The following TAB2 variants were observed in gnomAD, a reference collection of about 807,000 sequenced individuals.
TAB2 encodes TGF-beta-activated kinase 1 and MAP3K7-binding protein 2.
Under a neutral mutation model 65.0 loss-of-function variants are expected in TAB2, and 3 were observed. The ratio of observed to expected loss-of-function variants is 0.05; its 90% confidence interval spans 0.02 to 0.12. The LOEUF is 0.12. Ranked by LOEUF, TAB2 falls within the 10% of genes least tolerant of loss-of-function variation. The pLI is 1.00. For missense variants in TAB2, 623 were observed against 840.3 expected (o/e 0.74, Z 3.20); for synonymous variants, 298 against 285.1 (o/e 1.05, Z -0.46).
intron 1 of TAB2, among the ~76,000 whole-genome samples, chr6:149,312,458 G>C (rs9498318): frequency 0.064 from 9,696 of 152,188 alleles, 1,022 homozygotes; most frequent in African/African-American, 0.22. Context: ...AGCCTCCCGG[G>C]TTCAAGCCAT....
At chr6:149,399,278 C>T in intron 6 of TAB2, 94 bp downstream of exon 6, 1 of 899,582 alleles carries the variant, frequency 1.1e-6, no homozygotes, top group Non-Finnish European at 1.8e-6. Flanking sequence ...TCTAGAATTG[C>T]TTCAAACTTT....
Position 149,378,953 on chromosome 6 carries a change from T to G in TAB2, c.1038T>G (p.Pro346=). 6.2e-7 allele frequency: 1 copy of G among 1,614,168 alleles called. No individual in the cohort carries two copies. ...NNSSKLRSSG[P]RTSSTSSSVN... is the part of the protein sequence containing the mutation. ...CTTCAAAACTGCGTTCTTCTGGACC[T>G]CGAACCTCCAGCACTTCCTCTTCAG... The change falls in exon 3 of 7, where the codon CCT becomes CCG. Residue 346 remains proline (P), a synonymous_variant. Coordinates refer to ENST00000637181, the MANE Select transcript of TAB2 (RefSeq NM_001292034.3).
chr6:149,402,212 G>A (rs1782452018), intron 6 of TAB2, among the ~76,000 whole-genome samples: 1 of 151,512 alleles, frequency 6.6e-6, no homozygotes, highest in Admixed American at 6.6e-5. Flanking sequence ...GAGAAAAAAA[G>A]GAGACAAAAT....
At position 149,410,142 on chromosome 6, in the gene TAB2, C is replaced by T; in HGVS notation, c.*423C>T. On this transcript the variant is annotated 3_prime_UTR_variant, in exon 7 of 7. Transcript: ENST00000637181. ...ACACTACATACACGAAGAAAAGGAA[C>T]AAGGTTTAACTATTTAAGAACCATT... The T allele has an allele frequency of 4.7e-6, 1 of 214,116 alleles. No homozygotes were observed. Among genetic ancestry groups the T allele is most frequent in the Admixed American group, 5.3e-5 (1 of 18,842 alleles). 13.3% of individuals were successfully genotyped at this position (214,116 alleles called of 1,614,324 possible).
At chr6:149,382,013 T>C (rs1781627212) in intron 3 of TAB2, among the ~76,000 whole-genome samples, 1 of 152,148 alleles carries the variant, frequency 6.6e-6, no homozygotes, top group East Asian at 1.9e-4. Context: ...GAGATACTGT[T>C]AAAAATATGC....
At chr6:149,287,976 TA>T (rs1188577294) in intron 1 of TAB2, among the ~76,000 whole-genome samples, 2 of 152,236 alleles carry the variant, frequency 1.3e-5, no homozygotes, top group Non-Finnish European at 2.9e-5. Context: ...AATTCGATCA[TA>T]AAATTATGTT....
At chr6:149,307,668 A>T (rs1441646525) in intron 1 of TAB2, among the ~76,000 whole-genome samples, 1 of 151,918 alleles carries the variant, frequency 6.6e-6, no homozygotes. Context: ...TGAAAACCTG[A>T]GTCCGAATAA....
At chr6:149,381,373 CA>C (rs2114895492) in intron 3 of TAB2, among the ~76,000 whole-genome samples, 2 of 152,216 alleles carry the variant, frequency 1.3e-5, no homozygotes, top group South Asian at 4.1e-4. Context: ...GTCCTTCCAT[CA>C]AAACATCAGG....
intron 6 of TAB2, chr6:149,400,837 T>C: frequency 1.3e-6 from 1 of 778,972 alleles, no homozygotes; most frequent in South Asian, 1.9e-5. Context: ...TCTTTTATTA[T>C]ACATGAAGTA....
At chr6:149,229,678 G>T (rs1370010673) in intron 1 of TAB2, among the ~76,000 whole-genome samples, 1 of 152,052 alleles carries the variant, frequency 6.6e-6, no homozygotes, top group African/African-American at 2.4e-5. Flanking sequence ...GGGACCTGGT[G>T]GGCACTGTGG....
At chr6:149,305,647 T>C in intron 1 of TAB2, among the ~76,000 whole-genome samples, 1 of 152,076 alleles carries the variant, frequency 6.6e-6, no homozygotes, top group East Asian at 1.9e-4. Context: ...ATGCTGATTT[T>C]GAGAGTAACA....
At chr6:149,336,784 T>G (rs1779947043) in intron 1 of TAB2, among the ~76,000 whole-genome samples, 1 of 152,096 alleles carries the variant, frequency 6.6e-6, no homozygotes, top group Non-Finnish European at 1.5e-5. Context: ...TTGAACATGT[T>G]CAGACAGGCC....
intron 1 of TAB2, among the ~76,000 whole-genome samples, chr6:149,309,633 G>A (rs1021359971): frequency 5.3e-5 from 8 of 151,774 alleles, no homozygotes; most frequent in African/African-American, 7.3e-5. Context: ...TCCTGACCTC[G>A]TGATCCACCC....
In TAB2 at chr6:149,375,805, G is replaced by A. The variant is rs563896450; in HGVS notation, c.103-2213G>A. On this transcript the variant is annotated intron_variant, in intron 2 of 6. Coordinates refer to ENST00000637181, the MANE Select transcript of TAB2 (RefSeq NM_001292034.3). ...TTTTTCAACTTTATTTGAAAAATTA[G>A]TATGTATCAATTAAGAGTTATTAGT... Among the ~76,000 whole-genome samples, 14 of 152,282 alleles carry A rather than the reference G, an allele frequency of 9.2e-5. No homozygotes were observed. The South Asian group carries it at 2.9e-3, about 32-fold the overall frequency.
chr6:149,250,914 G>A (rs1001060443), intron 1 of TAB2, among the ~76,000 whole-genome samples: 3 of 152,136 alleles, frequency 2.0e-5, no homozygotes, highest in Non-Finnish European at 4.4e-5. Flanking sequence ...GACACCATTC[G>A]TTTTAGTTCT....
At position 149,293,657 on chromosome 6, in the gene TAB2, A is replaced by G. The variant is rs939912889; in HGVS notation, c.-121+74881A>G. ...CCCAGTGCCTTTTCAGATAGTTAAT[A>G]AATTAGCATTCATGTTAACTCTTCA... On this transcript the variant is annotated intron_variant, in intron 1 of 1. Transcript: ENST00000606202. 2.0e-5 allele frequency among the ~76,000 whole-genome samples: 3 copies of G among 152,238 alleles called. No individual in the cohort carries two copies. The East Asian group carries it at 5.8e-4, about 29-fold the overall frequency.
At chr6:149,386,126 CACTA>C (rs1432561913) in intron 3 of TAB2, among the ~76,000 whole-genome samples, 1 of 152,114 alleles carries the variant, frequency 6.6e-6, no homozygotes, top group Admixed American at 6.5e-5. Context: ...AGCAGGAACA[CACTA>C]TACACATGGG....
chr6:149,257,086 G>A (rs1206460239), intron 1 of TAB2, among the ~76,000 whole-genome samples: 1 of 152,182 alleles, frequency 6.6e-6, no homozygotes, highest in Non-Finnish European at 1.5e-5. Flanking sequence ...CAGTCAGAGT[G>A]GTTGGTTAGC....
chr6:149,263,974 C>T (rs573770244), intron 1 of TAB2, among the ~76,000 whole-genome samples: 1 of 152,358 alleles, frequency 6.6e-6, no homozygotes, highest in African/African-American at 2.4e-5. Context: ...CTGCCTCCTG[C>T]CAGCTCCCAG....
Sources: gnomAD v4.1 joint callset for allele counts (sites outside exome capture counted in the v4.1 genomes callset) on GRCh38, gnomAD v4.1.1 for gene constraint, MANE v1.5 for transcripts, NCBI Gene and HGNC (gene_info 2026-07-23, HGNC 2026-07-21) for gene names.